Variants in SPAG17 observed in about 807,000 individuals in gnomAD.
SPAG17 encodes the protein sperm-associated antigen 17.
Under a neutral mutation model 273.6 loss-of-function variants are expected in SPAG17, and 169 were observed. The ratio of observed to expected loss-of-function variants is 0.62; its 90% confidence interval spans 0.55 to 0.70. The LOEUF is 0.70. Among genes scored for constraint, SPAG17 ranks in the 30% least tolerant of loss-of-function variants. The pLI is 0.00. For missense variants in SPAG17, 2,557 were observed against 2,627.8 expected (o/e 0.97, Z 0.59); for synonymous variants, 825 against 873.2 (o/e 0.94, Z 0.97).
chr1:118,120,999 G>T (rs1303675041), intron 3 of SPAG17, among the ~76,000 whole-genome samples: 1 of 152,158 alleles, frequency 6.6e-6, no homozygotes, highest in Non-Finnish European at 1.5e-5. Context: ...GGGGTAAGAG[G>T]TAATCTGGAA....
At chr1:118,146,741 G>A (rs901981671) in intron 3 of SPAG17, among the ~76,000 whole-genome samples, 2 of 152,148 alleles carry the variant, frequency 1.3e-5, no homozygotes, top group African/African-American at 4.8e-5. Context: ...TGGTGCTATA[G>A]GTTTACCTTT....
rs1200092863 is a variant in SPAG17 at position 117,994,532 on chromosome 1, T to C, written c.5054-2A>G. The C allele has an allele frequency of 6.2e-7, 1 of 1,603,630 alleles. No homozygotes were observed. Among genetic ancestry groups the C allele is most frequent in the African/African-American group, 1.3e-5 (1 of 74,294 alleles). On this transcript the variant is annotated splice_acceptor_variant, in intron 34 of 48. Transcript: ENST00000336338. LOFTEE classifies it high-confidence loss of function. ...GAAGGACTGTGATGGTTAGGGTGCC[T>C]GGTTCAAAGAAAGTTGTCAGAAGAC...
intron 1 of SPAG17, among the ~76,000 whole-genome samples, chr1:118,171,371 G>A (rs919551655): frequency 3.9e-5 from 6 of 152,068 alleles, no homozygotes; most frequent in Non-Finnish European, 5.9e-5. Context: ...TATCAGAAGG[G>A]CCATTTTCTG....
chr1:118,136,672 A>ATT (rs1658376577), intron 3 of SPAG17, among the ~76,000 whole-genome samples: 1 of 152,144 alleles, frequency 6.6e-6, no homozygotes, highest in Non-Finnish European at 1.5e-5. Flanking sequence ...TGAAACGGAG[A>ATT]AACTCTTTTC....
Position 118,107,619 on chromosome 1 carries a change from C to T in SPAG17, c.448-5693G>A, listed in dbSNP as rs189609333. Among the ~76,000 whole-genome samples, 6 of 152,084 alleles carry T rather than the reference C, an allele frequency of 3.9e-5. No individual in the cohort carries two copies. The East Asian group carries it at 7.7e-4, about 20-fold the overall frequency. ...AAGAAATCCTCCTACCTCAGACTCC[C>T]GAGTAGCTGGGACAACAGCTGCATG... On this transcript the variant is annotated intron_variant, in intron 4 of 48. Coordinates refer to ENST00000336338, the MANE Select transcript of SPAG17 (RefSeq NM_206996.4).
At chr1:117,959,536 A>G (rs760451509) in intron 48 of SPAG17, 2 of 1,341,572 alleles carry the variant, frequency 1.5e-6, no homozygotes, top group Non-Finnish European at 2.0e-6. Flanking sequence ...CATCTTAAAA[A>G]TACCAAATAA....
In SPAG17 at chr1:118,161,021, A is replaced by G. The variant is rs75817039; in HGVS notation, c.88-9652T>C. Among the ~76,000 whole-genome samples, 9 of 152,246 alleles carry G rather than the reference A, an allele frequency of 5.9e-5. 1 individual carries two copies. The highest frequency in any genetic ancestry group is 5.8e-4 in the East Asian group (3 of 5,200). ...GGAATCTGTGCCCTACCTCAATTCAACAAAAATGAGTAGTCGTGCAGCTCA... is the reference window on the plus strand; with the variant it reads ...GGAATCTGTGCCCTACCTCAATTCAGCAAAAATGAGTAGTCGTGCAGCTCA... On this transcript the variant is annotated intron_variant, in intron 1 of 48. Coordinates refer to ENST00000336338, the MANE Select transcript of SPAG17 (RefSeq NM_206996.4).
At chr1:118,006,766 C>T (rs1240499265) in intron 31 of SPAG17, among the ~76,000 whole-genome samples, 2 of 152,144 alleles carry the variant, frequency 1.3e-5, no homozygotes, top group Non-Finnish European at 2.9e-5. Flanking sequence ...CATACCTTTG[C>T]TAACACTTGT....
chr1:118,167,185 A>C (rs1296593113), intron 1 of SPAG17, among the ~76,000 whole-genome samples: 1 of 152,204 alleles, frequency 6.6e-6, no homozygotes, highest in Non-Finnish European at 1.5e-5. Context: ...TCTTTACTAG[A>C]AACATGAGCT....
intron 1 of SPAG17, among the ~76,000 whole-genome samples, chr1:118,165,645 C>CTT (rs5777341): frequency 0.014 from 1,522 of 108,304 alleles, 75 homozygotes; most frequent in East Asian, 0.045. Context: ...AAAAAACTTT[C>CTT]TTTTTTTTTT....
chr1:118,104,206 G>A (rs1656251686), intron 4 of SPAG17, among the ~76,000 whole-genome samples: 1 of 152,172 alleles, frequency 6.6e-6, no homozygotes, highest in African/African-American at 2.4e-5. Context: ...AGATAGATTT[G>A]AGATGTATCT....
intron 1 of SPAG17, among the ~76,000 whole-genome samples, chr1:118,174,326 C>CTT (rs2102399696): frequency 6.6e-6 from 1 of 152,050 alleles, no homozygotes; most frequent in African/African-American, 2.4e-5. Context: ...AATACAATAA[C>CTT]TAAACTGGAA....
In SPAG17 at chr1:118,008,209, A is replaced by T. The variant is rs764213077; in HGVS notation, c.4433-11T>A. On this transcript the variant is annotated splice_polypyrimidine_tract_variant and intron_variant, in intron 30 of 48. Coordinates refer to ENST00000336338, the MANE Select transcript of SPAG17 (RefSeq NM_206996.4). The stretch of plus-strand genomic sequence containing the variant: ...TCCGAGGACCCTCGGCTACAAGCAA[A>T]TGCAAGGTAAGCAGATCTGATAGGA... 2 of 1,613,292 alleles carry T rather than the reference A, an allele frequency of 1.2e-6. No homozygotes were observed. Among genetic ancestry groups the T allele is most frequent in the East Asian group, 4.5e-5 (2 of 44,760 alleles).
intron 15 of SPAG17, among the ~76,000 whole-genome samples, chr1:118,080,647 C>T (rs529468999): frequency 3.2e-4 from 49 of 152,270 alleles, no homozygotes; most frequent in African/African-American, 1.1e-3. Flanking sequence ...TGCACCTCCT[C>T]ATATAGCACT....
At chr1:118,054,306 A>C (rs919880764) in intron 19 of SPAG17, among the ~76,000 whole-genome samples, 3 of 152,154 alleles carry the variant, frequency 2.0e-5, no homozygotes, top group South Asian at 2.1e-4. Flanking sequence ...GGGACAGTGC[A>C]TTCCATTCTC....
chr1:118,097,227 CAAAAA>C (rs5777334), intron 7 of SPAG17, among the ~76,000 whole-genome samples: 1 of 129,780 alleles, frequency 7.7e-6, no homozygotes, highest in African/African-American at 3.1e-5. Context: ...AAGACTGTCT[CAAAAA>C]AAAAAAAAGG....
chr1:118,107,467 A>C (rs1656470253), intron 4 of SPAG17, among the ~76,000 whole-genome samples: 1 of 152,112 alleles, frequency 6.6e-6, no homozygotes, highest in Non-Finnish European at 1.5e-5. Context: ...ATTTTAAACT[A>C]ATTTCCATTA....
rs1286166750 is a variant in SPAG17, at chr1:118,081,422, C to G, written c.1983G>C (p.Gln661His). Reference sequence around the variant, plus strand: ...TCCCTCCATGCAGTGTACCTGCTTTCTGCTTGGCCTCTTGAGTATTCATTT... The same window carrying G: ...TCCCTCCATGCAGTGTACCTGCTTTGTGCTTGGCCTCTTGAGTATTCATTT... ...VMKMNTQEAKQKADIKIKDRT... is the reference protein window; with the variant it reads ...VMKMNTQEAKHKADIKIKDRT... The change falls in exon 14 of 49, where the codon CAG (glutamine) becomes CAC (histidine). Residue 661 changes from glutamine to histidine, a missense_variant. Physicochemically the swap from Gln to His is conservative, Grantham distance 24. Transcript: ENST00000336338. 1.2e-6 allele frequency: 2 copies of G among 1,613,798 alleles called. No homozygotes were observed. The highest frequency in any genetic ancestry group is 1.1e-5 in the South Asian group (1 of 91,064).
At chr1:118,038,850 G>A (rs1045928935) in intron 23 of SPAG17, among the ~76,000 whole-genome samples, 1 of 152,098 alleles carries the variant, frequency 6.6e-6, no homozygotes, top group Non-Finnish European at 1.5e-5. Flanking sequence ...GTAGACACAT[G>A]CCATTATACA....
Sources: allele counts gnomAD v4.1 joint callset (sites outside exome capture counted in the v4.1 genomes callset), GRCh38; gene constraint gnomAD v4.1.1; transcripts MANE v1.5; gene names NCBI Gene and HGNC (gene_info 2026-07-23, HGNC 2026-07-21).